CCDC47: variants seen among roughly 807,000 people sequenced by gnomAD.
The protein encoded by CCDC47 is coiled-coil domain containing 47.
CCDC47 carries 41 observed loss-of-function variants against 60.5 expected under a neutral mutation model. That is an observed-to-expected ratio of 0.68 (90% CI 0.53 to 0.88). CCDC47 has a LOEUF of 0.88. Among genes scored for constraint, CCDC47 ranks in the 40% least tolerant of loss-of-function variants. The probability of loss-of-function intolerance (pLI) is 0.00; values close to 1 mark genes in which losing one functional copy is unlikely to be tolerated. For synonymous variants in CCDC47, 195 were observed against 190.7 expected (o/e 1.02, Z -0.18); for missense variants, 513 against 580.9 (o/e 0.88, Z 1.20).
intron 6 of CCDC47, 92 bp downstream of exon 6, chr17:63,760,822 G>C: frequency 1.1e-6 from 1 of 892,432 alleles, no homozygotes; most frequent in Non-Finnish European, 1.7e-6. Context: ...CTGAGCAACA[G>C]AGTGAGACTC....
chr17:63,747,009 G>A (rs571911817), intron 12 of CCDC47, 48 bp from the exon 13 acceptor site: 2 of 1,597,206 alleles, frequency 1.3e-6, no homozygotes, highest in Non-Finnish European at 1.7e-6. Flanking sequence ...GGGGACGAGA[G>A]AATTCAAATT....
chr17:63,747,290 C>G (rs1463408372), intron 12 of CCDC47: 7 of 984,572 alleles, frequency 7.1e-6, no homozygotes, highest in Non-Finnish European at 8.4e-6. Context: ...TGATGTTCAC[C>G]ATACCATTCA....
chr17:63,748,945 C>T (rs563576359), intron 12 of CCDC47, among the ~76,000 whole-genome samples: 6 of 147,012 alleles, frequency 4.1e-5, no homozygotes, highest in African/African-American at 1.3e-4. Flanking sequence ...ACCTGGGAGG[C>T]GGAGGTTGCA....
At chr17:63,762,168 C>T in intron 4 of CCDC47, 9 of 984,798 alleles carry the variant, frequency 9.1e-6, no homozygotes, top group Non-Finnish European at 9.6e-6. Flanking sequence ...AATTCCAATA[C>T]TTTCTCTCTT....
chr17:63,766,342 T>A, intron 1 of CCDC47, 148 bp from the exon 2 acceptor site: 1 of 727,664 alleles, frequency 1.4e-6, no homozygotes, highest in Non-Finnish European at 2.1e-6. Flanking sequence ...AACAATGAAG[T>A]AAGGTCAAGA....
intron 12 of CCDC47, 116 bp downstream of exon 12, chr17:63,751,824 C>G (rs1418624068): frequency 8.8e-7 from 1 of 1,137,278 alleles, no homozygotes; most frequent in Admixed American, 1.7e-5. Context: ...TACAATGTCC[C>G]AAATGTTGAG....
intron 1 of CCDC47, among the ~76,000 whole-genome samples, 191 bp from the exon 2 acceptor site, chr17:63,766,385 A>G (rs1163868438): frequency 2.0e-5 from 3 of 152,168 alleles, no homozygotes; most frequent in Non-Finnish European, 4.4e-5. Flanking sequence ...CTGGCACTAC[A>G]TATCTGTAAA....
chr17:63,760,175 A>T (rs997863295), intron 6 of CCDC47, among the ~76,000 whole-genome samples: 1 of 152,188 alleles, frequency 6.6e-6, no homozygotes, highest in African/African-American at 2.4e-5. Flanking sequence ...TACACCAAAC[A>T]TAAGGTCCTC....
intron 9 of CCDC47, chr17:63,753,162 A>T (rs943439666): frequency 1.9e-6 from 1 of 527,692 alleles, no homozygotes; most frequent in African/African-American, 2.1e-5. Flanking sequence ...TTTATTTCCA[A>T]CTCCTATTCT....
intron 12 of CCDC47, chr17:63,747,517 T>C (rs2039129887): frequency 1.0e-6 from 1 of 981,150 alleles, no homozygotes; most frequent in Non-Finnish European, 1.2e-6. Context: ...TATTTTTATT[T>C]AGGAATTAGG....
Position 63,752,411 on chromosome 17 carries a change from G to C in CCDC47, c.1112C>G (p.Thr371Ser). 6.2e-7 allele frequency: 1 copy of C among 1,612,140 alleles called. No homozygotes were observed. The change falls in exon 11 of 13, where the codon ACT (threonine) becomes AGT (serine). Residue 371 changes from threonine (T) to serine (S), a missense_variant. Physicochemically the swap from Thr to Ser is moderately conservative, Grantham distance 58. Coordinates refer to ENST00000225726, the MANE Select transcript of CCDC47 (RefSeq NM_020198.3). ...FTFNVPGSGN[T>S]YPKDMEALLP... is the part of the protein sequence containing the mutation. ...CAGTGCCTCCATATCCTTTGGGTAA[G>C]TGTTACCTGAGCCAGGCACTGGAAA...
chr17:63,764,474 T>A (rs1308687800), intron 3 of CCDC47, among the ~76,000 whole-genome samples: 11 of 152,224 alleles, frequency 7.2e-5, no homozygotes, highest in Non-Finnish European at 1.2e-4. Context: ...GTACTGTACA[T>A]CACCAAGGAA....
At chr17:63,756,425 A>C in intron 7 of CCDC47, 44 bp downstream of exon 7, 7 of 1,576,688 alleles carry the variant, frequency 4.4e-6, no homozygotes, top group Non-Finnish European at 5.2e-6. Context: ...TGTGCTAAGG[A>C]GACACAGTTC....
chr17:63,762,963 C>A (rs553009505), intron 4 of CCDC47, among the ~76,000 whole-genome samples: 1 of 152,194 alleles, frequency 6.6e-6, no homozygotes, highest in Admixed American at 6.6e-5. Flanking sequence ...ATTCTGTCAC[C>A]CAGGCTGGAG....
intron 4 of CCDC47, 59 bp from the exon 5 acceptor site, chr17:63,761,410 G>C: frequency 6.3e-7 from 1 of 1,599,186 alleles, no homozygotes; most frequent in Non-Finnish European, 8.5e-7. Flanking sequence ...GGCCGGGGGT[G>C]GTGGCTCACG....
rs1484692267 is a variant in CCDC47, at chr17:63,759,529, A to T, written c.735+1385T>A. Among the ~76,000 whole-genome samples the T allele has an allele frequency of 1.3e-3, 9 of 7,072 alleles. 1 individual carries two copies. Among genetic ancestry groups the T allele is most frequent in the East Asian group, 2.8e-3 (1 of 354 alleles). The allele number at this position is 7,072 out of a possible 152,430, so 4.6% of individuals were successfully genotyped here. A position where few individuals can be genotyped will look rare whatever the true frequency, so the allele number is the denominator to read the frequency against. On this transcript the variant is annotated intron_variant, in intron 6 of 12. Transcript: ENST00000225726. ...AAAAAATATATATATATATATATTT[A>T]TATATATATATATATATATATATAT...
At position 63,766,026 on chromosome 17, in the gene CCDC47, AAC is replaced by A. The variant is rs763242508; in HGVS notation, c.148_149del (p.Val50TyrfsTer2). 4.3e-6 allele frequency: 7 copies of A among 1,614,100 alleles called. No individual in the cohort carries two copies. The highest frequency in any genetic ancestry group is 5.1e-6 in the Non-Finnish European group (6 of 1,179,988). The part of the protein sequence containing the change: ...AEFEDVMEDS[V>X]TESPQRVIIT... ...TTATGACCCGTTGAGGAGATTCAGT[AAC>A]AGAGTCTTCCATGACATCCTCAAAT... On this transcript the variant is annotated frameshift_variant, in exon 2 of 13. Coordinates refer to ENST00000225726, the MANE Select transcript of CCDC47 (RefSeq NM_020198.3). LOFTEE classifies it high-confidence loss of function.
chr17:63,761,813 A>G (rs1568250209), intron 4 of CCDC47: 2 of 980,896 alleles, frequency 2.0e-6, no homozygotes, highest in Non-Finnish European at 1.2e-6. Flanking sequence ...TTGGACAGGG[A>G]CTGAAATAGA....
chr17:63,764,618 C>T, intron 3 of CCDC47, 122 bp downstream of exon 3: 2 of 788,322 alleles, frequency 2.5e-6, no homozygotes, highest in Non-Finnish European at 3.7e-6. Context: ...AAATTGATGT[C>T]AAGCTCCTTC....
Sources: gnomAD v4.1 joint callset for allele counts (sites outside exome capture counted in the v4.1 genomes callset) on GRCh38, gnomAD v4.1.1 for gene constraint, MANE v1.5 for transcripts, NCBI Gene and HGNC (gene_info 2026-07-23, HGNC 2026-07-21) for gene names.